PLPPR1: variants seen among roughly 807,000 people sequenced by gnomAD.
PLPPR1 encodes phospholipid phosphatase-related protein type 1.
A neutral mutation model predicts 33.1 loss-of-function variants in PLPPR1; 10 were observed. That is an observed-to-expected ratio of 0.30 (90% CI 0.19 to 0.51). The LOEUF (loss-of-function observed/expected upper bound fraction) is 0.51, where lower values mean the gene tolerates loss of function less well. PLPPR1 is among the 20% of genes least tolerant of loss of function. The probability of loss-of-function intolerance (pLI) is 0.97; values close to 1 mark genes in which losing one functional copy is unlikely to be tolerated. For missense variants in PLPPR1, 304 were observed against 408.1 expected, an observed-to-expected ratio of 0.74 and a Z score of 2.20; for synonymous variants, 151 against 151.0, an observed-to-expected ratio of 1.00 and a Z score of 0.00.
chr9:101,081,425 C>T (rs1322318586), intron 1 of PLPPR1, among the ~76,000 whole-genome samples: 1 of 152,090 alleles, frequency 6.6e-6, no homozygotes, highest in Non-Finnish European at 1.5e-5. Flanking sequence ...GAACTCCTGA[C>T]CTCATGATCC....
chr9:101,082,587 C>T (rs1466139053), intron 1 of PLPPR1, among the ~76,000 whole-genome samples: 3 of 152,144 alleles, frequency 2.0e-5, no homozygotes, highest in East Asian at 1.9e-4. Flanking sequence ...AAGTCAAGCT[C>T]GTGAAAATAA....
chr9:101,080,751 T>A (rs1406317498), intron 1 of PLPPR1, among the ~76,000 whole-genome samples: 1 of 152,176 alleles, frequency 6.6e-6, no homozygotes, highest in Non-Finnish European at 1.5e-5. Flanking sequence ...TGCTCTATAA[T>A]TCTATCGTTT....
At chr9:101,218,967 A>G (rs760641733) in intron 2 of PLPPR1, among the ~76,000 whole-genome samples, 5 of 152,214 alleles carry the variant, frequency 3.3e-5, no homozygotes, top group African/African-American at 7.2e-5. Context: ...CCAGATACAT[A>G]TACACATGCA....
At chr9:101,233,142 C>T (rs1017895905) in intron 2 of PLPPR1, among the ~76,000 whole-genome samples, 7 of 151,938 alleles carry the variant, frequency 4.6e-5, no homozygotes, top group African/African-American at 1.7e-4. Context: ...TTTTTCTGAA[C>T]TGAAATGTAA....
intron 1 of PLPPR1, among the ~76,000 whole-genome samples, chr9:101,183,540 T>C (rs967282028): frequency 6.6e-6 from 1 of 151,726 alleles, no homozygotes; most frequent in Non-Finnish European, 1.5e-5. Context: ...ATAGACATGA[T>C]AATTCTTTTA....
At chr9:101,305,735 C>G (rs781062077) in intron 4 of PLPPR1, among the ~76,000 whole-genome samples, 7 of 151,778 alleles carry the variant, frequency 4.6e-5, no homozygotes, top group Non-Finnish European at 8.8e-5. Context: ...CTTTGAAGAT[C>G]TCCTTCATGC....
chr9:101,152,385 A>G (rs1831601179), intron 1 of PLPPR1, among the ~76,000 whole-genome samples: 1 of 152,222 alleles, frequency 6.6e-6, no homozygotes, highest in Non-Finnish European at 1.5e-5. Flanking sequence ...TTTGCTGTGC[A>G]GAAGCTCTTG....
intron 1 of PLPPR1, among the ~76,000 whole-genome samples, chr9:101,118,379 G>C (rs777742255): frequency 1.3e-4 from 20 of 152,156 alleles, no homozygotes; most frequent in Non-Finnish European, 2.9e-4. Context: ...TCCAGATAAA[G>C]GTCTAAAAGA....
intron 2 of PLPPR1, among the ~76,000 whole-genome samples, chr9:101,228,874 G>A (rs75469791): frequency 0.021 from 3,175 of 152,110 alleles, 99 homozygotes; most frequent in African/African-American, 0.071. Context: ...ATAGAAACTC[G>A]CAGGAGAAAA....
intron 2 of PLPPR1, among the ~76,000 whole-genome samples, chr9:101,194,680 G>A (rs1345192901): frequency 6.6e-6 from 1 of 151,846 alleles, no homozygotes; most frequent in African/African-American, 2.4e-5. Flanking sequence ...GAACCCGGGA[G>A]GCGGAGGTTG....
intron 2 of PLPPR1, among the ~76,000 whole-genome samples, chr9:101,246,087 T>TAGATAGATAGATAG (rs1321412464): frequency 4.8e-5 from 5 of 104,432 alleles, no homozygotes; most frequent in African/African-American, 1.6e-4. Context: ...TATATATATA[T>TAGATAGATAGATAG]ATATATATAT....
intron 2 of PLPPR1, among the ~76,000 whole-genome samples, chr9:101,265,721 G>A (rs1345239620): frequency 2.0e-5 from 3 of 152,060 alleles, no homozygotes; most frequent in African/African-American, 7.2e-5. Flanking sequence ...AGGAGGCCGG[G>A]TACGGTGGCT....
At chr9:101,318,632 G>A (rs1264142860) in intron 7 of PLPPR1, among the ~76,000 whole-genome samples, 2 of 152,022 alleles carry the variant, frequency 1.3e-5, no homozygotes, top group African/African-American at 2.4e-5. Flanking sequence ...AAATTAGCCC[G>A]GCATGGTAGC....
At chr9:101,280,190 GAA>G (rs1162798130) in intron 3 of PLPPR1, among the ~76,000 whole-genome samples, 2 of 151,974 alleles carry the variant, frequency 1.3e-5, no homozygotes, top group East Asian at 1.9e-4. Context: ...AAAACCTAGA[GAA>G]AATAGATAAA....
intron 1 of PLPPR1, among the ~76,000 whole-genome samples, chr9:101,142,567 G>A (rs73656169): frequency 2.5e-3 from 384 of 152,220 alleles, no homozygotes; most frequent in African/African-American, 8.7e-3. Context: ...CCGTATCTTC[G>A]CCTGCTTCAG....
chr9:101,084,641 G>T, intron 1 of PLPPR1, among the ~76,000 whole-genome samples: 1 of 152,286 alleles, frequency 6.6e-6, no homozygotes, highest in South Asian at 2.1e-4. Flanking sequence ...GCTTTGCAAG[G>T]CTTCTTTGGT....
At chr9:101,139,470 T>C (rs1831420216) in intron 1 of PLPPR1, among the ~76,000 whole-genome samples, 1 of 152,180 alleles carries the variant, frequency 6.6e-6, no homozygotes, top group African/African-American at 2.4e-5. Flanking sequence ...GTTTACTCTA[T>C]AGACATTTAA....
At chr9:101,220,420 C>A (rs971259348) in intron 2 of PLPPR1, among the ~76,000 whole-genome samples, 2 of 152,164 alleles carry the variant, frequency 1.3e-5, no homozygotes, top group Non-Finnish European at 2.9e-5. Flanking sequence ...AGTTAATAAG[C>A]AGCAATATCA....
chr9:101,315,538 A>T (rs985580218), intron 6 of PLPPR1, among the ~76,000 whole-genome samples: 12 of 152,142 alleles, frequency 7.9e-5, no homozygotes, highest in Admixed American at 6.5e-4. Flanking sequence ...TCTCTCCATA[A>T]CATGCAGCCC....
Sources: allele counts gnomAD v4.1 joint callset (sites outside exome capture counted in the v4.1 genomes callset), GRCh38; gene constraint gnomAD v4.1.1; transcripts MANE v1.5; gene names NCBI Gene and HGNC (gene_info 2026-07-23, HGNC 2026-07-21).